GSK3B: variants seen among roughly 807,000 people sequenced by gnomAD.
The protein encoded by GSK3B is glycogen synthase kinase 3 beta.
GSK3B carries 15 observed loss-of-function variants against 56.4 expected under a neutral mutation model. The observed-to-expected ratio is 0.27, with a 90% CI of 0.18 to 0.41. The LOEUF (loss-of-function observed/expected upper bound fraction) is 0.41, where lower values mean the gene tolerates loss of function less well. GSK3B is among the 10% of genes least tolerant of loss of function. The probability of loss-of-function intolerance (pLI) is 1.00; values close to 1 mark genes in which losing one functional copy is unlikely to be tolerated. For synonymous variants in GSK3B, 181 were observed against 188.9 expected, an observed-to-expected ratio of 0.96 and a Z score of 0.34; for missense variants, 300 against 513.4, an observed-to-expected ratio of 0.58 and a Z score of 4.02.
At chr3:119,967,834 TTCTC>T (rs202156812) in intron 2 of GSK3B, among the ~76,000 whole-genome samples, 2,824 of 118,946 alleles carry the variant, frequency 0.024, 80 homozygotes, top group African/African-American at 0.08. Context: ...CTCTTTCTCT[TTCTC>T]TCTCTCTCTC....
intron 1 of GSK3B, among the ~76,000 whole-genome samples, chr3:120,033,735 C>G (rs771913417): frequency 6.6e-6 from 1 of 152,062 alleles, no homozygotes; most frequent in Non-Finnish European, 1.5e-5. Flanking sequence ...TGAGTTCTCA[C>G]GAGATCTAGT....
intron 2 of GSK3B, among the ~76,000 whole-genome samples, chr3:119,981,286 G>A (rs571918254): frequency 6.6e-6 from 1 of 152,352 alleles, no homozygotes; most frequent in East Asian, 1.9e-4. Flanking sequence ...GATCGACGCA[G>A]AAGACGGCTA....
At chr3:120,032,231 C>G (rs2107522868) in intron 1 of GSK3B, among the ~76,000 whole-genome samples, 1 of 152,224 alleles carries the variant, frequency 6.6e-6, no homozygotes, top group South Asian at 2.1e-4. Context: ...AACCCCAACA[C>G]TTTGGGAGGC....
rs564537847 is a variant in GSK3B, at chr3:119,966,219, GT to G, written c.283-18869del. 2.7e-4 allele frequency among the ~76,000 whole-genome samples: 41 copies of G among 152,258 alleles called. No individual in the cohort carries two copies. The South Asian group carries it at 8.3e-3, about 31-fold the overall frequency. ...CTTGTAATGCAAAAACTCAGTGGAG[GT>G]TTTTTAACAGAAAGGTGAGGTGAAG... On this transcript the variant is annotated intron_variant, in intron 2 of 10. Transcript: ENST00000264235.
intron 3 of GSK3B, among the ~76,000 whole-genome samples, chr3:119,936,002 GAGAAAAA>G: frequency 1.3e-5 from 2 of 152,074 alleles, no homozygotes; most frequent in Admixed American, 1.3e-4. Flanking sequence ...ATAATCAATA[GAGAAAAA>G]GCACTTGCCA....
intron 1 of GSK3B, chr3:120,041,163 C>T (rs1012060475): frequency 5.8e-5 from 10 of 173,426 alleles, no homozygotes; most frequent in African/African-American, 1.7e-4. Flanking sequence ...GACCAGGCCA[C>T]GGGCCAAACC....
chr3:119,890,458 C>T (rs1003113557), intron 7 of GSK3B, among the ~76,000 whole-genome samples: 1 of 152,004 alleles, frequency 6.6e-6, no homozygotes, highest in Non-Finnish European at 1.5e-5. Flanking sequence ...TCAATGATCA[C>T]CTGAGACAGA....
At chr3:119,997,358 G>C (rs1411464616) in intron 2 of GSK3B, among the ~76,000 whole-genome samples, 1 of 152,036 alleles carries the variant, frequency 6.6e-6, no homozygotes, top group Non-Finnish European at 1.5e-5. Context: ...CATTTACATG[G>C]AAGATGTATT....
At chr3:119,944,608 C>T (rs1230772001) in intron 3 of GSK3B, among the ~76,000 whole-genome samples, 2 of 152,064 alleles carry the variant, frequency 1.3e-5, no homozygotes, top group Non-Finnish European at 2.9e-5. Flanking sequence ...ATGTCTCCTC[C>T]CCACCAAGCT....
chr3:120,073,842 A>G (rs758264986), intron 1 of GSK3B, among the ~76,000 whole-genome samples: 1 of 152,212 alleles, frequency 6.6e-6, no homozygotes, highest in Non-Finnish European at 1.5e-5. Flanking sequence ...GATACAAACA[A>G]GTTGCTTAAA....
intron 9 of GSK3B, among the ~76,000 whole-genome samples, chr3:119,856,159 T>C (rs1035293329): frequency 6.6e-6 from 1 of 152,230 alleles, no homozygotes; most frequent in Non-Finnish European, 1.5e-5. Context: ...TGTCCTTGAA[T>C]ATCCTTTAAT....
intron 1 of GSK3B, 32 bp from the exon 2 acceptor site, chr3:120,002,271 A>G: frequency 3.0e-6 from 4 of 1,342,168 alleles, no homozygotes; most frequent in Non-Finnish European, 4.0e-6. Flanking sequence ...TTTTTTCACG[A>G]GAACTGTAAG....
intron 9 of GSK3B, among the ~76,000 whole-genome samples, chr3:119,849,346 C>T (rs769383371): frequency 6.6e-6 from 1 of 152,174 alleles, no homozygotes; most frequent in Non-Finnish European, 1.5e-5. Flanking sequence ...AAAAAACAAT[C>T]TGGCAAGAAA....
At chr3:119,959,554 G>A (rs372927719) in intron 2 of GSK3B, among the ~76,000 whole-genome samples, 97 of 123,360 alleles carry the variant, frequency 7.9e-4, no homozygotes, top group Non-Finnish European at 1.3e-3. Flanking sequence ...TCACTCTGTC[G>A]CCCAGGCTGG....
intron 2 of GSK3B, among the ~76,000 whole-genome samples, chr3:119,961,149 G>T (rs929135518): frequency 6.6e-6 from 1 of 152,004 alleles, no homozygotes; most frequent in Non-Finnish European, 1.5e-5. Context: ...ATAGAGCTGT[G>T]ATGTACCACT....
chr3:119,875,486 T>C (rs183490013), intron 8 of GSK3B, among the ~76,000 whole-genome samples: 106 of 147,916 alleles, frequency 7.2e-4, no homozygotes, highest in Non-Finnish European at 3.4e-4. Context: ...AAGTCGATCA[T>C]TGGTAACCCG....
intron 7 of GSK3B, among the ~76,000 whole-genome samples, chr3:119,894,136 T>G (rs1008145376): frequency 2.6e-5 from 4 of 152,194 alleles, no homozygotes; most frequent in Non-Finnish European, 4.4e-5. Context: ...TTATATAATA[T>G]GTGGCCTTTC....
At chr3:119,833,687 G>GTTTTTTTTTTTTT (rs1162358136) in intron 10 of GSK3B, among the ~76,000 whole-genome samples, 5 of 133,458 alleles carry the variant, frequency 3.7e-5, no homozygotes, top group African/African-American at 1.5e-4. Context: ...GAAACATTAG[G>GTTTTTTTTTTTTT]TTGTTTTTTT....
chr3:120,028,666 C>G, intron 1 of GSK3B: 1 of 384,788 alleles, frequency 2.6e-6, no homozygotes, highest in South Asian at 2.1e-5. Context: ...CCCACAGAGG[C>G]TGATGTTATT....
Sources: allele counts gnomAD v4.1 joint callset (sites outside exome capture counted in the v4.1 genomes callset), GRCh38; gene constraint gnomAD v4.1.1; transcripts MANE v1.5; gene names NCBI Gene and HGNC (gene_info 2026-07-23, HGNC 2026-07-21).